Variants in VTI1A observed in about 807,000 individuals in gnomAD.
The protein encoded by VTI1A is vesicle transport through interaction with t-SNAREs 1A, also known as vesicle transport through interaction with t-SNAREs homolog 1A.
VTI1A carries 22 observed loss-of-function variants against 34.9 expected under a neutral mutation model. The ratio of observed to expected loss-of-function variants is 0.63; its 90% CI spans 0.45 to 0.90. The LOEUF (loss-of-function observed/expected upper bound fraction) is 0.90, where lower values mean the gene tolerates loss of function less well. Ranked by LOEUF, VTI1A falls within the 40% of genes least tolerant of loss-of-function variation. VTI1A has a pLI of 0.00. For synonymous variants in VTI1A, 87 were observed against 97.3 expected, an observed-to-expected ratio of 0.89 and a Z score of 0.62; for missense variants, 268 against 275.6, an observed-to-expected ratio of 0.97 and a Z score of 0.20.
chr10:112,691,594 A>G (rs1376419451), intron 7 of VTI1A, among the ~76,000 whole-genome samples: 1 of 152,182 alleles, frequency 6.6e-6, no homozygotes, highest in African/African-American at 2.4e-5. Context: ...GATATATCCA[A>G]ATGAAAGCAA....
At chr10:112,709,983 CTTG>C (rs1849351642) in intron 7 of VTI1A, among the ~76,000 whole-genome samples, 1 of 145,158 alleles carries the variant, frequency 6.9e-6, no homozygotes, top group African/African-American at 2.6e-5. Flanking sequence ...TTGTACTGCT[CTTG>C]TTGGACAGAT....
In VTI1A at chr10:112,560,841, C is replaced by A. The variant is rs567981675; in HGVS notation, c.427+22511C>A. ...CTATCTCTTGACCTCAAGTGATCCA[C>A]CCACCTCGGCCTCCCAGAGTGCTGG... On this transcript the variant is annotated intron_variant, in intron 5 of 7. Coordinates refer to ENST00000393077, the MANE Select transcript of VTI1A (RefSeq NM_145206.4). Among the ~76,000 whole-genome samples the A allele has an allele frequency of 4.6e-5, 7 of 152,162 alleles. No homozygotes were observed. In the South Asian group the frequency reaches 1.5e-3, roughly 32 times the overall value.
intron 7 of VTI1A, among the ~76,000 whole-genome samples, chr10:112,813,363 A>C (rs1352746195): frequency 6.6e-6 from 1 of 152,256 alleles, no homozygotes; most frequent in South Asian, 2.1e-4. Flanking sequence ...ACCAAGCTGT[A>C]CAAGAGACAC....
At chr10:112,501,320 C>A (rs1849225074) in intron 3 of VTI1A, among the ~76,000 whole-genome samples, 1 of 151,800 alleles carries the variant, frequency 6.6e-6, no homozygotes, top group African/African-American at 2.4e-5. Context: ...AGTGGTAATC[C>A]TTATTTTATG....
intron 5 of VTI1A, among the ~76,000 whole-genome samples, chr10:112,640,833 C>A (rs183296054): frequency 6.6e-6 from 1 of 152,004 alleles, no homozygotes; most frequent in African/African-American, 2.4e-5. Flanking sequence ...TGAGGGTAGT[C>A]GAATGCAAAA....
chr10:112,522,055 AT>A (rs1209198934), intron 3 of VTI1A, among the ~76,000 whole-genome samples: 1 of 152,104 alleles, frequency 6.6e-6, no homozygotes, highest in African/African-American at 2.4e-5. Context: ...TTAGAACCAG[AT>A]AAAATTAGTT....
At chr10:112,654,078 T>C (rs1281018166) in intron 5 of VTI1A, among the ~76,000 whole-genome samples, 2 of 152,240 alleles carry the variant, frequency 1.3e-5, no homozygotes, top group South Asian at 2.1e-4. Context: ...GATGTCATAG[T>C]GCTTGCTAAG....
At chr10:112,626,109 G>A (rs566384216) in intron 5 of VTI1A, among the ~76,000 whole-genome samples, 2 of 152,060 alleles carry the variant, frequency 1.3e-5, no homozygotes, top group East Asian at 1.9e-4. Flanking sequence ...TTATGTGGAC[G>A]CATCATTCAG....
chr10:112,789,571 A>G (rs780272148), intron 7 of VTI1A, among the ~76,000 whole-genome samples: 4 of 152,060 alleles, frequency 2.6e-5, no homozygotes, highest in Non-Finnish European at 5.9e-5. Flanking sequence ...TATGCTTGAT[A>G]TTGTCACACA....
intron 5 of VTI1A, among the ~76,000 whole-genome samples, chr10:112,664,240 A>G (rs938586253): frequency 6.6e-6 from 1 of 152,174 alleles, no homozygotes; most frequent in Admixed American, 6.5e-5. Flanking sequence ...AATGTTTTGA[A>G]TGTATCAAAT....
At chr10:112,696,497 G>A (rs1424599215) in intron 7 of VTI1A, among the ~76,000 whole-genome samples, 8 of 152,080 alleles carry the variant, frequency 5.3e-5, no homozygotes, top group Non-Finnish European at 1.2e-4. Flanking sequence ...ATCCATTTTT[G>A]CTCTGTTACA....
chr10:112,527,509 A>T lies in VTI1A; in HGVS notation c.342+345A>T, dbSNP rs148583490. 5.0e-3 allele frequency: 808 copies of T among 161,922 alleles called. 13 individuals carry two copies. Among genetic ancestry groups the T allele is most frequent in the African/African-American group, 0.019 (781 of 41,964 alleles). 10.0% of individuals were successfully genotyped at this position (161,922 alleles called of 1,614,324 possible). A position where few individuals can be genotyped will look rare whatever the true frequency, so the allele number is the denominator to read the frequency against. The stretch of plus-strand genomic sequence containing the variant: ...AAAGGAATAAAAAAGTACATAATAC[A>T]GCTTTGATAATAATGCAGTATAATT... On this transcript the variant is annotated intron_variant, in intron 4 of 7. Coordinates refer to ENST00000393077, the MANE Select transcript of VTI1A (RefSeq NM_145206.4).
intron 7 of VTI1A, among the ~76,000 whole-genome samples, chr10:112,735,043 A>G (rs1190977484): frequency 1.3e-5 from 2 of 152,220 alleles, no homozygotes; most frequent in Non-Finnish European, 2.9e-5. Flanking sequence ...AGTAACAAGG[A>G]CTAACATTTA....
At chr10:112,541,070 C>G (rs1270793220) in intron 5 of VTI1A, among the ~76,000 whole-genome samples, 2 of 152,034 alleles carry the variant, frequency 1.3e-5, no homozygotes, top group Non-Finnish European at 2.9e-5. Flanking sequence ...TGATGTTTTT[C>G]CTATTTGGGG....
intron 7 of VTI1A, among the ~76,000 whole-genome samples, chr10:112,700,135 A>C (rs71483157): frequency 0.017 from 2,409 of 138,506 alleles, 71 homozygotes; most frequent in African/African-American, 0.075. Context: ...AAAAAAAAAA[A>C]CAAAACAAAA....
chr10:112,450,676 T>G (rs907497693), intron 1 of VTI1A: 1 of 152,222 alleles, frequency 6.6e-6, no homozygotes, highest in African/African-American at 2.4e-5. Context: ...AAGAAAGAAA[T>G]CTGATTACTC....
chr10:112,821,291 G>A (rs1288571038), downstream of VTI1A, among the ~76,000 whole-genome samples: 1 of 151,996 alleles, frequency 6.6e-6, no homozygotes, highest in South Asian at 2.1e-4. Flanking sequence ...CTTTTCCTGG[G>A]GGCAGGACCA....
intron 5 of VTI1A, among the ~76,000 whole-genome samples, chr10:112,592,267 C>T (rs1844420829): frequency 6.6e-6 from 1 of 152,186 alleles, no homozygotes; most frequent in South Asian, 2.1e-4. Flanking sequence ...AGACTTCTCA[C>T]CTAAAGAACT....
At chr10:112,642,468 A>G (rs1261279221) in intron 5 of VTI1A, among the ~76,000 whole-genome samples, 1 of 152,236 alleles carries the variant, frequency 6.6e-6, no homozygotes, top group African/African-American at 2.4e-5. Flanking sequence ...TCAAAATTAT[A>G]GTAACATTTA....
Sources: allele counts gnomAD v4.1 joint callset (sites outside exome capture counted in the v4.1 genomes callset), GRCh38; gene constraint gnomAD v4.1.1; transcripts MANE v1.5; gene names NCBI Gene and HGNC (gene_info 2026-07-23, HGNC 2026-07-21).